The following MAP2 variants were observed in gnomAD, a reference collection of about 807,000 sequenced individuals.
MAP2 encodes microtubule-associated protein 2.
MAP2 carries 14 observed loss-of-function variants against 137.6 expected under a neutral mutation model. The ratio of observed to expected loss-of-function variants is 0.10; its 90% confidence interval spans 0.07 to 0.16. The LOEUF is 0.16. Ranked by LOEUF, MAP2 falls within the 10% of genes least tolerant of loss-of-function variation. MAP2 has a pLI of 1.00. For synonymous variants in MAP2, 786 were observed against 782.3 expected (o/e 1.00, Z -0.08); for missense variants, 2,088 against 2,191.5 (o/e 0.95, Z 0.94).
rs1258282212 is a variant in MAP2 at position 209,434,898 on chromosome 2, ATATATATATGT to A, written c.-222+10643_-222+10653del. On this transcript the variant is annotated intron_variant, in intron 1 of 15. Coordinates refer to ENST00000682079, the MANE Select transcript of MAP2 (RefSeq NM_001375505.1). ...GTTATATATATGTTATATATATGTT[ATATATATATGT>A]TATATATATGTTATATATATATGTT... is the stretch of plus-strand genomic sequence containing the variant. 5.6e-3 allele frequency among the ~76,000 whole-genome samples: 769 copies of A among 136,296 alleles called. 16 individuals are homozygous for A. The highest frequency in any genetic ancestry group is 0.035 in the Middle Eastern group (9 of 260). 89.4% of individuals were successfully genotyped at this position (136,296 alleles called of 152,430 possible).
At chr2:209,729,673 T>C (rs116203214) in intron 14 of MAP2, among the ~76,000 whole-genome samples, 177 bp from the exon 15 acceptor site, 6,799 of 152,242 alleles carry the variant, frequency 0.045, 200 homozygotes, top group African/African-American at 0.085. Context: ...TCTTGCATCA[T>C]ATGAGGAAAT....
chr2:209,572,693 T>C (rs941079686), intron 2 of MAP2, among the ~76,000 whole-genome samples: 1 of 152,172 alleles, frequency 6.6e-6, no homozygotes, highest in African/African-American at 2.4e-5. Flanking sequence ...ATTTTGTTCC[T>C]CAGTAATAAA....
At chr2:209,592,968 A>G (rs900843883) in intron 3 of MAP2, among the ~76,000 whole-genome samples, 1 of 151,888 alleles carries the variant, frequency 6.6e-6, no homozygotes, top group Non-Finnish European at 1.5e-5. Context: ...TCTCCGTTCT[A>G]GGTTTTTTTT....
intron 5 of MAP2, among the ~76,000 whole-genome samples, chr2:209,669,530 A>G (rs535856821): frequency 6.6e-6 from 1 of 152,204 alleles, no homozygotes; most frequent in East Asian, 1.9e-4. Context: ...TATTCTTGGT[A>G]TATAGAGAAC....
chr2:209,508,602 AC>A (rs2061366309), intron 2 of MAP2, among the ~76,000 whole-genome samples: 1 of 151,790 alleles, frequency 6.6e-6, no homozygotes, highest in East Asian at 1.9e-4. Context: ...ACACACACAC[AC>A]ACACACACAG....
chr2:209,545,791 A>G (rs537769534), intron 2 of MAP2, among the ~76,000 whole-genome samples: 108 of 152,354 alleles, frequency 7.1e-4, no homozygotes, highest in Middle Eastern at 3.4e-3. Context: ...GAGAAAGTTA[A>G]TAGTACTGAA....
chr2:209,503,371 C>CT (rs2060634558), intron 1 of MAP2, among the ~76,000 whole-genome samples: 1 of 151,908 alleles, frequency 6.6e-6, no homozygotes, highest in Non-Finnish European at 1.5e-5. Context: ...TCTAGGTTAC[C>CT]TTTTTATTTT....
intron 1 of MAP2, among the ~76,000 whole-genome samples, chr2:209,461,817 CTCT>C (rs1702888992): frequency 6.6e-6 from 1 of 152,126 alleles, no homozygotes; most frequent in Non-Finnish European, 1.5e-5. Flanking sequence ...GTATTTCAGC[CTCT>C]TCTTTTGCCA....
At chr2:209,677,765 T>TA (rs1051413647) in intron 5 of MAP2, among the ~76,000 whole-genome samples, 8 of 151,614 alleles carry the variant, frequency 5.3e-5, no homozygotes, top group Admixed American at 1.3e-4. Flanking sequence ...GCCCTCCTTT[T>TA]AAAAAAAATG....
At chr2:209,716,547 C>T (rs2067708872) in intron 13 of MAP2, among the ~76,000 whole-genome samples, 2 of 152,072 alleles carry the variant, frequency 1.3e-5, no homozygotes, top group South Asian at 4.1e-4. Flanking sequence ...TTTTTTTTAG[C>T]TCATCAGCTA....
At chr2:209,589,523 G>A (rs1283457588) in intron 3 of MAP2, among the ~76,000 whole-genome samples, 1 of 152,110 alleles carries the variant, frequency 6.6e-6, no homozygotes, top group African/African-American at 2.4e-5. Flanking sequence ...TCTACTAAGT[G>A]GATTGCCCTA....
intron 2 of MAP2, among the ~76,000 whole-genome samples, chr2:209,549,933 G>GGTGAACA (rs2068834972): frequency 6.6e-6 from 1 of 152,132 alleles, no homozygotes; most frequent in Admixed American, 6.5e-5. Context: ...TACAGTTGGT[G>GGTGAACA]GTGAACAATT....
At chr2:209,654,768 T>C (rs1185791490) in intron 5 of MAP2, among the ~76,000 whole-genome samples, 2 of 152,202 alleles carry the variant, frequency 1.3e-5, no homozygotes, top group Admixed American at 6.5e-5. Context: ...TAGTATGATA[T>C]GTCAAGGTTT....
At chr2:209,624,827 A>G (rs146346576) in intron 3 of MAP2, among the ~76,000 whole-genome samples, 2 of 152,342 alleles carry the variant, frequency 1.3e-5, no homozygotes, top group Non-Finnish European at 2.9e-5. Context: ...GAGAAAAAGC[A>G]TGCAGCAGTT....
At chr2:209,628,381 G>GCA (rs1559440983) in intron 4 of MAP2, among the ~76,000 whole-genome samples, 2 of 151,624 alleles carry the variant, frequency 1.3e-5, no homozygotes, top group African/African-American at 4.9e-5. Context: ...AAGTTTGTTT[G>GCA]TTTCTAACAA....
chr2:209,617,437 A>T (rs1178922095), intron 3 of MAP2, among the ~76,000 whole-genome samples: 1 of 152,168 alleles, frequency 6.6e-6, no homozygotes, highest in Non-Finnish European at 1.5e-5. Flanking sequence ...TAAGAAACTC[A>T]ATCAGATACC....
At chr2:209,487,824 T>C (rs1576023070) in intron 1 of MAP2, among the ~76,000 whole-genome samples, 2 of 152,276 alleles carry the variant, frequency 1.3e-5, no homozygotes, top group East Asian at 3.9e-4. Flanking sequence ...ATCATAAACC[T>C]TGAGTAAGGT....
intron 1 of MAP2, among the ~76,000 whole-genome samples, chr2:209,489,692 A>G (rs1461609626): frequency 1.3e-5 from 2 of 152,202 alleles, no homozygotes; most frequent in East Asian, 3.9e-4. Context: ...AAAGGATATC[A>G]GAGATTGAAG....
At chr2:209,704,543 T>C (rs2062795653) in intron 11 of MAP2, 1 of 1,612,956 alleles carries the variant, frequency 6.2e-7, no homozygotes, top group Non-Finnish European at 8.5e-7. Context: ...AAGGGCTACA[T>C]TTTCTGACAG....
Sources: gnomAD v4.1 joint callset for allele counts (sites outside exome capture counted in the v4.1 genomes callset) on GRCh38, gnomAD v4.1.1 for gene constraint, MANE v1.5 for transcripts, NCBI Gene and HGNC (gene_info 2026-07-23, HGNC 2026-07-21) for gene names.